FAF1: variants seen among roughly 807,000 people sequenced by gnomAD.
The protein encoded by FAF1 is Fas associated factor 1.
FAF1 carries 25 observed loss-of-function variants against 92.5 expected under a neutral mutation model. The ratio of observed to expected loss-of-function variants is 0.27; its 90% confidence interval spans 0.20 to 0.38. The LOEUF is 0.38. FAF1 is among the 10% of genes least tolerant of loss of function. FAF1 has a pLI of 1.00. For synonymous variants in FAF1, 234 were observed against 273.2 expected (o/e 0.86, Z 1.42); for missense variants, 636 against 793.3 (o/e 0.80, Z 2.38).
At chr1:50,640,801 A>C (rs987018353) in intron 8 of FAF1, among the ~76,000 whole-genome samples, 2 of 140,970 alleles carry the variant, frequency 1.4e-5, no homozygotes, top group Non-Finnish European at 3.1e-5. Flanking sequence ...TTTTCTCTTG[A>C]TCAGTCTAGC....
At chr1:50,893,305 A>C (rs1193588823) in intron 1 of FAF1, among the ~76,000 whole-genome samples, 1 of 152,158 alleles carries the variant, frequency 6.6e-6, no homozygotes, top group Non-Finnish European at 1.5e-5. Flanking sequence ...TTTTGCATTC[A>C]GGGCTTCTTT....
chr1:50,647,334 G>A (rs1477046809), intron 8 of FAF1, among the ~76,000 whole-genome samples: 1 of 152,112 alleles, frequency 6.6e-6, no homozygotes, highest in Non-Finnish European at 1.5e-5. Context: ...TCCAAATAAG[G>A]CAAATGCCAA....
Position 50,457,724 on chromosome 1 carries a change from C to CAAAAAAAAAAAAAA in FAF1, c.1870-16215_1870-16202dup, listed in dbSNP as rs35479561. ...GCAATTCGGTGAAACCCCATCTCTG[C>CAAAAAAAAAAAAAA]AAAAAAAAAAAAAAAAAAAAAATAC... On this transcript the variant is annotated intron_variant, in intron 18 of 18. Coordinates refer to ENST00000396153, the MANE Select transcript of FAF1 (RefSeq NM_007051.3). Among the ~76,000 whole-genome samples the CAAAAAAAAAAAAAA allele has an allele frequency of 2.2e-3, 122 of 56,526 alleles. 1 individual carries two copies. The highest frequency in any genetic ancestry group is 8.7e-3 in the African/African-American group (91 of 10,418). 37.1% of individuals were successfully genotyped at this position (56,526 alleles called of 152,430 possible). A position where few individuals can be genotyped will look rare whatever the true frequency, so the allele number is the denominator to read the frequency against.
chr1:50,860,383 A>G (rs1644422545), intron 1 of FAF1, among the ~76,000 whole-genome samples: 1 of 151,872 alleles, frequency 6.6e-6, no homozygotes, highest in African/African-American at 2.4e-5. Context: ...TCCAGAATCT[A>G]TAAGCAACTT....
intron 12 of FAF1, among the ~76,000 whole-genome samples, chr1:50,575,373 C>G (rs1650677743): frequency 6.6e-6 from 1 of 152,094 alleles, no homozygotes; most frequent in Non-Finnish European, 1.5e-5. Flanking sequence ...GTAGAAATAT[C>G]TAATTACAGA....
intron 2 of FAF1, among the ~76,000 whole-genome samples, chr1:50,823,261 G>T (rs556501869): frequency 6.6e-6 from 1 of 152,146 alleles, no homozygotes; most frequent in Non-Finnish European, 1.5e-5. Flanking sequence ...TGAGGTTGTT[G>T]TACATTTAAA....
intron 6 of FAF1, among the ~76,000 whole-genome samples, chr1:50,729,034 C>CTATCTA (rs774816134): frequency 1.5e-3 from 133 of 88,054 alleles, no homozygotes; most frequent in African/African-American, 3.5e-3. Flanking sequence ...ATCTATCTAT[C>CTATCTA]TATATATATA....
At chr1:50,476,035 A>G (rs1212823894) in intron 17 of FAF1, among the ~76,000 whole-genome samples, 2 of 152,170 alleles carry the variant, frequency 1.3e-5, no homozygotes, top group East Asian at 1.9e-4. Flanking sequence ...AATTAAAGCT[A>G]TTAGATGCAT....
intron 3 of FAF1, among the ~76,000 whole-genome samples, chr1:50,788,715 C>G (rs934505293): frequency 1.3e-5 from 2 of 152,150 alleles, no homozygotes; most frequent in African/African-American, 2.4e-5. Flanking sequence ...GAGAAATTTC[C>G]CTTATCTTCT....
chr1:50,885,324 A>ACACACACACACACACACT (rs1644651416), intron 1 of FAF1, among the ~76,000 whole-genome samples: 3 of 102,212 alleles, frequency 2.9e-5, no homozygotes, highest in African/African-American at 1.1e-4. Context: ...ACACACACAC[A>ACACACACACACACACACT]CTCTCTCTCT....
intron 1 of FAF1, among the ~76,000 whole-genome samples, chr1:50,932,894 G>A (rs568610056): frequency 8.5e-5 from 13 of 152,270 alleles, no homozygotes; most frequent in Admixed American, 2.6e-4. Context: ...CTGTGCACCC[G>A]GAGGCTCAAC....
chr1:50,621,166 A>G (rs1653182255), intron 8 of FAF1, among the ~76,000 whole-genome samples: 1 of 152,198 alleles, frequency 6.6e-6, no homozygotes, highest in Non-Finnish European at 1.5e-5. Flanking sequence ...GAAGTCCCAC[A>G]GCTCAGGGTG....
intron 4 of FAF1, among the ~76,000 whole-genome samples, chr1:50,761,043 G>A (rs553765946): frequency 6.6e-6 from 1 of 152,210 alleles, no homozygotes; most frequent in Non-Finnish European, 1.5e-5. Context: ...ACTACCATCA[G>A]AGAATACTAC....
intron 7 of FAF1, among the ~76,000 whole-genome samples, chr1:50,672,541 C>T (rs1186499936): frequency 6.6e-6 from 1 of 152,096 alleles, no homozygotes; most frequent in Non-Finnish European, 1.5e-5. Context: ...CCTCGACCTA[C>T]CAAAGTGCTG....
intron 8 of FAF1, among the ~76,000 whole-genome samples, chr1:50,638,447 T>C (rs1351181119): frequency 9.2e-6 from 1 of 108,394 alleles, no homozygotes; most frequent in Non-Finnish European, 1.8e-5. Flanking sequence ...TTCTTTTTCT[T>C]TTTTTTTTTT....
At chr1:50,755,642 C>T (rs770317734) in intron 4 of FAF1, among the ~76,000 whole-genome samples, 3 of 152,184 alleles carry the variant, frequency 2.0e-5, no homozygotes, top group East Asian at 1.9e-4. Context: ...TTCCCTTTTG[C>T]GCTGCCCTAG....
At chr1:50,882,277 G>T (rs569864358) in intron 1 of FAF1, among the ~76,000 whole-genome samples, 1 of 152,216 alleles carries the variant, frequency 6.6e-6, no homozygotes, top group South Asian at 2.1e-4. Flanking sequence ...GATCTAAAAT[G>T]AAAGATAAGT....
chr1:50,911,184 C>G (rs1169438038), intron 1 of FAF1, among the ~76,000 whole-genome samples: 1 of 151,702 alleles, frequency 6.6e-6, no homozygotes, highest in Non-Finnish European at 1.5e-5. Flanking sequence ...GCAATTCTCT[C>G]ACCTCAGCCT....
At chr1:50,958,491 C>T (rs1645288123) in intron 1 of FAF1, among the ~76,000 whole-genome samples, 1 of 152,054 alleles carries the variant, frequency 6.6e-6, no homozygotes, top group Admixed American at 6.5e-5. Context: ...TCCTGACTAA[C>T]ACGGCGAAAC....
Sources: allele counts gnomAD v4.1 joint callset (sites outside exome capture counted in the v4.1 genomes callset), GRCh38; gene constraint gnomAD v4.1.1; transcripts MANE v1.5; gene names NCBI Gene and HGNC (gene_info 2026-07-23, HGNC 2026-07-21).